KCNMA1: variants seen among roughly 807,000 people sequenced by gnomAD.
The protein encoded by KCNMA1 is Calcium-activated potassium channel subunit alpha-1.
In KCNMA1, 29 loss-of-function variants were observed where a neutral mutation model predicts 140.0. That is an observed-to-expected ratio of 0.21 (90% CI 0.15 to 0.28). The LOEUF is 0.28. Among genes scored for constraint, KCNMA1 ranks in the 10% least tolerant of loss-of-function variants. The probability of loss-of-function intolerance (pLI) is 1.00; values close to 1 mark genes in which losing one functional copy is unlikely to be tolerated. For missense variants in KCNMA1, 880 were observed against 1,602.2 expected, an observed-to-expected ratio of 0.55 and a Z score of 7.70; for synonymous variants, 612 against 611.9, an observed-to-expected ratio of 1.00 and a Z score of 0.00.
At chr10:77,173,383 T>C (rs1009833885) in intron 5 of KCNMA1, among the ~76,000 whole-genome samples, 1 of 152,148 alleles carries the variant, frequency 6.6e-6, no homozygotes, top group Admixed American at 6.5e-5. Context: ...CAGCAATTTA[T>C]TTAACCTTCT....
chr10:77,228,303 T>A (rs1362597031), intron 3 of KCNMA1, among the ~76,000 whole-genome samples: 2 of 152,044 alleles, frequency 1.3e-5, no homozygotes, highest in African/African-American at 4.8e-5. Context: ...CAGCCAGAGA[T>A]GAATTAGGGG....
At chr10:77,622,656 C>G (rs544947227) in intron 1 of KCNMA1, among the ~76,000 whole-genome samples, 1 of 152,302 alleles carries the variant, frequency 6.6e-6, no homozygotes, top group African/African-American at 2.4e-5. Context: ...ATTTTCTAAC[C>G]TGTAAAATGG....
At chr10:77,023,867 A>C (rs1015352333) in intron 16 of KCNMA1, among the ~76,000 whole-genome samples, 43 of 152,294 alleles carry the variant, frequency 2.8e-4, no homozygotes, top group Admixed American at 6.5e-4. Context: ...ATATGTCAAT[A>C]TACTTAAGCC....
chr10:77,266,856 A>G (rs2154275476), intron 2 of KCNMA1, among the ~76,000 whole-genome samples: 1 of 152,276 alleles, frequency 6.6e-6, no homozygotes, highest in South Asian at 2.1e-4. Context: ...TATTCAATCA[A>G]TGTATATTTA....
At chr10:77,186,536 T>C (rs1054985903) in intron 3 of KCNMA1, among the ~76,000 whole-genome samples, 1 of 152,096 alleles carries the variant, frequency 6.6e-6, no homozygotes, top group African/African-American at 2.4e-5. Context: ...ACACAGGTAC[T>C]AATTTCGATG....
At chr10:76,934,631 C>G (rs12764328) in intron 23 of KCNMA1, among the ~76,000 whole-genome samples, 10,166 of 152,242 alleles carry the variant, frequency 0.067, 694 homozygotes, top group African/African-American at 0.17. Flanking sequence ...ACTATGGAGA[C>G]AACAGGGGCA....
At chr10:77,003,833 T>C (rs1363454919) in intron 18 of KCNMA1, among the ~76,000 whole-genome samples, 1 of 152,168 alleles carries the variant, frequency 6.6e-6, no homozygotes, top group African/African-American at 2.4e-5. Flanking sequence ...ATGAAATAAC[T>C]TTTGAAACTA....
At chr10:77,380,428 T>G (rs1169794853) in intron 2 of KCNMA1, among the ~76,000 whole-genome samples, 7 of 152,186 alleles carry the variant, frequency 4.6e-5, no homozygotes, top group Admixed American at 3.9e-4. Flanking sequence ...CTGAACCACT[T>G]CAGTTTCCTT....
chr10:77,443,263 G>T (rs2097449377), intron 1 of KCNMA1, among the ~76,000 whole-genome samples: 1 of 152,192 alleles, frequency 6.6e-6, no homozygotes, highest in Admixed American at 6.5e-5. Flanking sequence ...GGACACTCCT[G>T]CAGGCCAGGG....
At chr10:76,997,786 G>GC (rs2084875561) in intron 19 of KCNMA1, among the ~76,000 whole-genome samples, 1 of 152,102 alleles carries the variant, frequency 6.6e-6, no homozygotes, top group Admixed American at 6.5e-5. Flanking sequence ...AAAAGCCGAG[G>GC]CCCATACCAT....
At chr10:76,991,484 CT>C (rs2082751520) in intron 19 of KCNMA1, among the ~76,000 whole-genome samples, 1 of 152,196 alleles carries the variant, frequency 6.6e-6, no homozygotes, top group South Asian at 2.1e-4. Context: ...TCTTACTCTT[CT>C]TGTACATCCC....
At chr10:77,522,186 T>TAAAG (rs2053643175) in intron 1 of KCNMA1, among the ~76,000 whole-genome samples, 1 of 150,570 alleles carries the variant, frequency 6.6e-6, no homozygotes, top group Non-Finnish European at 1.5e-5. Context: ...TCAAAATAAA[T>TAAAG]AAATAAATAA....
At chr10:77,044,980 C>T (rs1174654090) in intron 14 of KCNMA1, among the ~76,000 whole-genome samples, 1 of 152,122 alleles carries the variant, frequency 6.6e-6, no homozygotes, top group Non-Finnish European at 1.5e-5. Context: ...GACTCAAAAG[C>T]CCAAACTCTG....
chr10:77,324,691 T>G (rs2083362036), intron 2 of KCNMA1, among the ~76,000 whole-genome samples: 1 of 152,158 alleles, frequency 6.6e-6, no homozygotes, highest in African/African-American at 2.4e-5. Flanking sequence ...GCCCAGCTTG[T>G]GTAAGAGCTT....
intron 1 of KCNMA1, among the ~76,000 whole-genome samples, chr10:77,513,902 A>T (rs1294945928): frequency 6.6e-6 from 1 of 152,164 alleles, no homozygotes; most frequent in Non-Finnish European, 1.5e-5. Context: ...AGCTCATTGC[A>T]TTAGCCCTCC....
chr10:77,099,497 CT>C (rs2097037176), intron 9 of KCNMA1, among the ~76,000 whole-genome samples: 1 of 152,096 alleles, frequency 6.6e-6, no homozygotes, highest in East Asian at 1.9e-4. Flanking sequence ...GGCGGATCAC[CT>C]GCGGTCAGGA....
intron 2 of KCNMA1, among the ~76,000 whole-genome samples, chr10:77,382,994 G>GTGTGTATATATATATATA (rs1491457588): frequency 2.2e-5 from 1 of 46,426 alleles, no homozygotes; most frequent in African/African-American, 9.5e-5. Context: ...GTGTGTGTGT[G>GTGTGTATATATATATATA]TATATATATA....
rs145699529 is a variant in KCNMA1 at position 76,944,359 on chromosome 10, C to T, written c.2902+414G>A. On this transcript the variant is annotated intron_variant, in intron 23 of 27. Transcript: ENST00000286628. The stretch of plus-strand genomic sequence containing the variant: ...CCCTTGGTCAGCAGAGTCCTAGAGG[C>T]GGCTCTAACAATAGCAAAGCTTCAT... Among the ~76,000 whole-genome samples, 838 of 152,302 alleles carry T rather than the reference C, an allele frequency of 5.5e-3. 5 individuals carry two copies. Among genetic ancestry groups the T allele is most frequent in the African/African-American group, 0.017 (699 of 41,554 alleles).
intron 1 of KCNMA1, among the ~76,000 whole-genome samples, chr10:77,611,549 A>T (rs1328579074): frequency 6.6e-6 from 1 of 152,240 alleles, no homozygotes; most frequent in African/African-American, 2.4e-5. Flanking sequence ...ACATGCAATC[A>T]AAAGCTTATC....
Sources: gnomAD v4.1 joint callset for allele counts (sites outside exome capture counted in the v4.1 genomes callset) on GRCh38, gnomAD v4.1.1 for gene constraint, MANE v1.5 for transcripts, NCBI Gene and HGNC (gene_info 2026-07-23, HGNC 2026-07-21) for gene names.